Variants in PLEKHM3 observed in about 807,000 individuals in gnomAD.
PLEKHM3 encodes the protein pleckstrin homology domain containing M3.
Under a neutral mutation model 81.8 loss-of-function variants are expected in PLEKHM3, and 45 were observed. The observed-to-expected ratio is 0.55, with a 90% CI of 0.43 to 0.71. The LOEUF is 0.71. PLEKHM3 is among the 30% of genes least tolerant of loss of function. PLEKHM3 has a pLI of 0.00. For missense variants in PLEKHM3, 788 were observed against 924.3 expected (o/e 0.85, Z 1.91); for synonymous variants, 352 against 356.4 (o/e 0.99, Z 0.14).
chr2:207,934,768 C>T (rs556198772), intron 4 of PLEKHM3, among the ~76,000 whole-genome samples: 1 of 152,324 alleles, frequency 6.6e-6, no homozygotes, highest in South Asian at 2.1e-4. Flanking sequence ...TAAGTAAACA[C>T]ATGTCACTTG....
chr2:207,870,173 T>G (rs1288356163), intron 6 of PLEKHM3, among the ~76,000 whole-genome samples: 4 of 152,116 alleles, frequency 2.6e-5, no homozygotes, highest in African/African-American at 7.2e-5. Context: ...TTGGTTACCT[T>G]CACTCCCTCA....
chr2:207,922,720 G>A (rs1689227121), intron 5 of PLEKHM3, among the ~76,000 whole-genome samples: 1 of 152,084 alleles, frequency 6.6e-6, no homozygotes, highest in South Asian at 2.1e-4. Flanking sequence ...GCTGAGGCAG[G>A]AGAATGGTGT....
Position 207,977,324 on chromosome 2 carries a change from C to T in PLEKHM3, c.873G>A (p.Glu291=), listed in dbSNP as rs780486494. The T allele has an allele frequency of 5.6e-6, 9 of 1,614,226 alleles. No individual in the cohort carries two copies. Among genetic ancestry groups the T allele is most frequent in the Non-Finnish European group, 7.6e-6 (9 of 1,180,042 alleles). ...CCCAGTCCAAAGCCTCCCATGGTGA[C>T]TCTGCCTTTAGCTGTAGCTGAGTGT... ...YDNTQLQLKA[E]SPWEALDWGQ... is the part of the protein sequence containing the mutation. The change falls in exon 3 of 8, where the codon GAG becomes GAA. Residue 291 remains glutamate (E), a synonymous_variant. Coordinates refer to ENST00000427836, the MANE Select transcript of PLEKHM3 (RefSeq NM_001080475.3).
At chr2:207,865,797 AAAAAAGATATATATATATAT>A (rs1482752222) in intron 6 of PLEKHM3, among the ~76,000 whole-genome samples, 1 of 38,126 alleles carries the variant, frequency 2.6e-5, no homozygotes, top group African/African-American at 1.3e-4. Context: ...AAAAAAAAAA[AAAAAAGATATATATATATAT>A]ATATATATAT....
chr2:207,920,424 G>A (rs1369347887), intron 5 of PLEKHM3, among the ~76,000 whole-genome samples: 2 of 152,082 alleles, frequency 1.3e-5, no homozygotes, highest in Admixed American at 6.6e-5. Flanking sequence ...ATTGAGAATG[G>A]GAAATACTGA....
At chr2:207,997,366 C>T (rs6718363) in intron 2 of PLEKHM3, among the ~76,000 whole-genome samples, 97,708 of 151,908 alleles carry the variant, frequency 0.64, 32,542 homozygotes, top group Non-Finnish European at 0.73. Context: ...CTTGGACTTA[C>T]TACAGGAGGA....
At chr2:207,854,197 A>T (rs913803832) in intron 7 of PLEKHM3, among the ~76,000 whole-genome samples, 1 of 152,206 alleles carries the variant, frequency 6.6e-6, no homozygotes, top group Non-Finnish European at 1.5e-5. Flanking sequence ...GGTCAAGGGT[A>T]TGTGGTAACA....
intron 2 of PLEKHM3, among the ~76,000 whole-genome samples, chr2:207,978,494 T>C (rs1033996690): frequency 9.9e-5 from 15 of 152,122 alleles, no homozygotes; most frequent in African/African-American, 1.4e-4. Context: ...GAAGGGTCAA[T>C]GAATAGGAGC....
chr2:207,935,535 G>C (rs766875441), intron 4 of PLEKHM3, among the ~76,000 whole-genome samples: 3 of 152,068 alleles, frequency 2.0e-5, no homozygotes, highest in Non-Finnish European at 2.9e-5. Flanking sequence ...TCCTTTTTGC[G>C]TAACACCTAC....
chr2:207,876,806 C>T (rs191931903), intron 6 of PLEKHM3, among the ~76,000 whole-genome samples: 1 of 152,226 alleles, frequency 6.6e-6, no homozygotes, highest in Non-Finnish European at 1.5e-5. Context: ...CAGGTCTGCT[C>T]CGCCAGGGCT....
chr2:208,022,650 C>T (rs909757698), intron 1 of PLEKHM3, among the ~76,000 whole-genome samples: 5 of 152,164 alleles, frequency 3.3e-5, no homozygotes, highest in Non-Finnish European at 2.9e-5. Flanking sequence ...TCTCCACCTT[C>T]GAAGCCGCAA....
intron 5 of PLEKHM3, among the ~76,000 whole-genome samples, chr2:207,923,855 G>GCGCACACACACACACA (rs1257171999): frequency 1.6e-4 from 3 of 18,916 alleles, no homozygotes; most frequent in African/African-American, 4.2e-4. Context: ...ACACACGCAC[G>GCGCACACACACACACA]CACACACACA....
chr2:207,939,078 G>A lies in PLEKHM3; in HGVS notation c.1692+7289C>T, dbSNP rs555287613. Among the ~76,000 whole-genome samples, 39 of 152,184 alleles carry A rather than the reference G, an allele frequency of 2.6e-4. 2 individuals are homozygous for A. In the South Asian group the frequency reaches 7.7e-3, roughly 30 times the overall value. On this transcript the variant is annotated intron_variant, in intron 4 of 7. Coordinates refer to ENST00000427836, the MANE Select transcript of PLEKHM3 (RefSeq NM_001080475.3). ...CGCCTAAGCTCTCAATGGATCACAG[G>A]GCTCGGATTGCCTCACTCACTTGCT... is the stretch of plus-strand genomic sequence containing the variant.
chr2:207,988,262 C>A (rs1691790496), intron 2 of PLEKHM3, among the ~76,000 whole-genome samples: 1 of 152,194 alleles, frequency 6.6e-6, no homozygotes, highest in African/African-American at 2.4e-5. Flanking sequence ...TGCCACAGAG[C>A]CCAGTGGTTA....
chr2:207,954,399 T>C (rs1475761971), intron 3 of PLEKHM3, among the ~76,000 whole-genome samples: 1 of 152,198 alleles, frequency 6.6e-6, no homozygotes, highest in East Asian at 1.9e-4. Context: ...ATTATGTTTG[T>C]AAAGTATTAG....
chr2:207,897,902 C>T (rs904034026), intron 6 of PLEKHM3, among the ~76,000 whole-genome samples: 1 of 152,212 alleles, frequency 6.6e-6, no homozygotes, highest in African/African-American at 2.4e-5. Context: ...TTGCTGCCAC[C>T]TGACCTTTGT....
intron 2 of PLEKHM3, among the ~76,000 whole-genome samples, chr2:207,989,751 G>T (rs1559272535): frequency 6.6e-6 from 1 of 152,232 alleles, no homozygotes; most frequent in Non-Finnish European, 1.5e-5. Flanking sequence ...AATTGAGATA[G>T]ACAGAGGGTG....
At position 207,935,022 on chromosome 2, in the gene PLEKHM3, T is replaced by C. The variant is rs373612755; in HGVS notation, c.1693-3903A>G. Among the ~76,000 whole-genome samples the C allele has an allele frequency of 1.3e-4, 20 of 152,310 alleles. No homozygotes were observed. In the East Asian group the frequency reaches 2.1e-3, roughly 16 times the overall value. ...CGACATGGTATTATGGTGGTGGTAG[T>C]GTGGACTTTGTTTTTATTAAAGGAG... On this transcript the variant is annotated intron_variant, in intron 4 of 7. Coordinates refer to ENST00000427836, the MANE Select transcript of PLEKHM3 (RefSeq NM_001080475.3).
intron 2 of PLEKHM3, among the ~76,000 whole-genome samples, chr2:207,995,855 T>C (rs968967979): frequency 1.1e-4 from 17 of 152,160 alleles, no homozygotes; most frequent in African/African-American, 3.9e-4. Context: ...CTCTCATATA[T>C]CCCTTCCCCA....
Sources: allele counts gnomAD v4.1 joint callset (sites outside exome capture counted in the v4.1 genomes callset), GRCh38; gene constraint gnomAD v4.1.1; transcripts MANE v1.5; gene names NCBI Gene and HGNC (gene_info 2026-07-23, HGNC 2026-07-21).